Variants in CBFB observed in about 807,000 individuals in gnomAD.
The protein encoded by CBFB is CBF-beta.
CBFB carries 9 observed loss-of-function variants against 30.4 expected under a neutral mutation model. The ratio of observed to expected loss-of-function variants is 0.30; its 90% CI spans 0.18 to 0.52. The LOEUF (loss-of-function observed/expected upper bound fraction) is 0.52, where lower values mean the gene tolerates loss of function less well. CBFB is among the 20% of genes least tolerant of loss of function. The pLI is 0.97. For missense variants in CBFB, 170 were observed against 244.0 expected, an observed-to-expected ratio of 0.70 and a Z score of 2.02; for synonymous variants, 94 against 84.0, an observed-to-expected ratio of 1.12 and a Z score of -0.65.
chr16:67,071,198 G>A (rs1333288310), intron 4 of CBFB, among the ~76,000 whole-genome samples: 1 of 152,172 alleles, frequency 6.6e-6, no homozygotes, highest in Non-Finnish European at 1.5e-5. Context: ...AGGGGCAGGA[G>A]TTCATAGTCG....
intron 4 of CBFB, among the ~76,000 whole-genome samples, chr16:67,078,870 T>A (rs1488381764): frequency 6.6e-6 from 1 of 152,144 alleles, no homozygotes; most frequent in African/African-American, 2.4e-5. Context: ...TGGCCAGGGC[T>A]GGTCTCTTCA....
intron 3 of CBFB, among the ~76,000 whole-genome samples, chr16:67,042,828 C>T (rs1049115626): frequency 2.6e-5 from 4 of 152,100 alleles, no homozygotes; most frequent in African/African-American, 4.8e-5. Context: ...CTCTGCCTGC[C>T]GGGTTCAAGC....
At chr16:67,089,987 T>C (rs998846664) in intron 5 of CBFB, among the ~76,000 whole-genome samples, 5 of 152,236 alleles carry the variant, frequency 3.3e-5, no homozygotes, top group African/African-American at 1.2e-4. Context: ...ATCCTAACTT[T>C]AGACTATGAA....
At chr16:67,068,882 A>G (rs1033114717) in intron 4 of CBFB, among the ~76,000 whole-genome samples, 13 of 152,202 alleles carry the variant, frequency 8.5e-5, no homozygotes, top group African/African-American at 1.9e-4. Context: ...GAGTATATCA[A>G]TAAAGGGATC....
chr16:67,049,827 A>G (rs1966707171), intron 3 of CBFB, among the ~76,000 whole-genome samples: 1 of 152,088 alleles, frequency 6.6e-6, no homozygotes, highest in Admixed American at 6.6e-5. Flanking sequence ...ACTGTGCTAG[A>G]TGGTTTACAT....
intron 4 of CBFB, 83 bp from the exon 5 acceptor site, chr16:67,082,129 GA>G (rs36017652): frequency 0.11 from 92,256 of 855,336 alleles, 520 homozygotes; most frequent in African/African-American, 0.2. Context: ...ACTGTTTCAG[GA>G]AAAAAAAAAA....
chr16:67,053,476 C>T (rs1444003386), intron 3 of CBFB, among the ~76,000 whole-genome samples: 2 of 151,610 alleles, frequency 1.3e-5, no homozygotes, highest in Non-Finnish European at 2.9e-5. Context: ...AGGCTGGTCT[C>T]GATCTCCTGA....
chr16:67,032,879 A>T (rs1966376498), intron 2 of CBFB, among the ~76,000 whole-genome samples: 1 of 152,160 alleles, frequency 6.6e-6, no homozygotes, highest in South Asian at 2.1e-4. Context: ...TTCTTGATGT[A>T]TCAGTGAGGT....
At chr16:67,063,023 A>C (rs769125328) in intron 3 of CBFB, among the ~76,000 whole-genome samples, 16 of 152,112 alleles carry the variant, frequency 1.1e-4, no homozygotes, top group Non-Finnish European at 2.2e-4. Flanking sequence ...GCCTTCTAAC[A>C]GGGTTTAAGA....
chr16:67,033,974 G>A (rs533586842), intron 2 of CBFB, among the ~76,000 whole-genome samples: 1 of 151,866 alleles, frequency 6.6e-6, no homozygotes, highest in African/African-American at 2.4e-5. Flanking sequence ...GATTACAGGC[G>A]CACACCACCA....
At chr16:67,048,820 T>TTC in intron 3 of CBFB, among the ~76,000 whole-genome samples, 1 of 140,918 alleles carries the variant, frequency 7.1e-6, no homozygotes. Context: ...TTTTTTTTTT[T>TTC]TTCTTTTTTT....
intron 4 of CBFB, among the ~76,000 whole-genome samples, chr16:67,078,368 C>T (rs771760949): frequency 2.0e-5 from 3 of 151,952 alleles, no homozygotes; most frequent in Non-Finnish European, 4.4e-5. Context: ...GGCAACACAG[C>T]GAGACCTCAT....
At chr16:67,029,856 C>T (rs777228732) in intron 2 of CBFB, 43 bp downstream of exon 2, 3 of 1,457,812 alleles carry the variant, frequency 2.1e-6, no homozygotes, top group Non-Finnish European at 2.8e-6. Context: ...ACTTGTTGCG[C>T]GGGGCCGCGG....
At chr16:67,051,228 G>GGTATA (rs1966733394) in intron 3 of CBFB, among the ~76,000 whole-genome samples, 1 of 152,152 alleles carries the variant, frequency 6.6e-6, no homozygotes, top group Non-Finnish European at 1.5e-5. Flanking sequence ...AAGGAACATA[G>GGTATA]GTATAGTAGG....
At chr16:67,068,205 G>A (rs1202727473) in intron 4 of CBFB, among the ~76,000 whole-genome samples, 1 of 152,288 alleles carries the variant, frequency 6.6e-6, no homozygotes, top group Non-Finnish European at 1.5e-5. Context: ...ACAGCTGTGC[G>A]CAGTGGCTCA....
At chr16:67,095,120 G>T (rs546604883) in intron 5 of CBFB, among the ~76,000 whole-genome samples, 1 of 139,090 alleles carries the variant, frequency 7.2e-6, no homozygotes, top group African/African-American at 2.7e-5. Flanking sequence ...TGAGGCACGA[G>T]AATTGTTTGA....
At chr16:67,040,862 C>T (rs1966516525) in intron 3 of CBFB, among the ~76,000 whole-genome samples, 1 of 151,854 alleles carries the variant, frequency 6.6e-6, no homozygotes, top group Non-Finnish European at 1.5e-5. Context: ...AATGATGAGC[C>T]CTGCAGGGGT....
chr16:67,067,636 C>T (rs1961097530), intron 4 of CBFB, among the ~76,000 whole-genome samples: 1 of 152,176 alleles, frequency 6.6e-6, no homozygotes, highest in South Asian at 2.1e-4. Flanking sequence ...TTCCCCAGCT[C>T]TGTGGTCCCT....
chr16:67,096,698 G>A (rs1008998017), intron 5 of CBFB, among the ~76,000 whole-genome samples: 3 of 151,882 alleles, frequency 2.0e-5, no homozygotes, highest in African/African-American at 7.3e-5. Flanking sequence ...ATCTGGGCCG[G>A]GCGCGGTGGC....
Sources: gnomAD v4.1 joint callset for allele counts (sites outside exome capture counted in the v4.1 genomes callset) on GRCh38, gnomAD v4.1.1 for gene constraint, MANE v1.5 for transcripts, NCBI Gene and HGNC (gene_info 2026-07-23, HGNC 2026-07-21) for gene names.